Variants in PARD3B observed in about 807,000 individuals in gnomAD.
PARD3B encodes the protein par-3 family cell polarity regulator beta, also known as partitioning defective 3 homolog B.
Under a neutral mutation model 130.2 loss-of-function variants are expected in PARD3B, and 103 were observed. The ratio of observed to expected loss-of-function variants is 0.79; its 90% confidence interval spans 0.67 to 0.93. The LOEUF is 0.93. PARD3B is among the 40% of genes least tolerant of loss of function. PARD3B has a pLI of 0.00. For missense variants in PARD3B, 1,609 were observed against 1,499.2 expected, an observed-to-expected ratio of 1.07 and a Z score of -1.21; for synonymous variants, 583 against 553.2, an observed-to-expected ratio of 1.05 and a Z score of -0.76.
intron 2 of PARD3B, among the ~76,000 whole-genome samples, chr2:204,707,879 A>G (rs2038252293): frequency 6.6e-6 from 1 of 152,162 alleles, no homozygotes; most frequent in Non-Finnish European, 1.5e-5. Context: ...TACCTTGAAA[A>G]TATTCCCTAC....
intron 21 of PARD3B, among the ~76,000 whole-genome samples, chr2:205,510,266 A>G (rs1022950272): frequency 3.9e-5 from 6 of 152,356 alleles, no homozygotes; most frequent in African/African-American, 1.4e-4. Flanking sequence ...GTCAATAAAC[A>G]AGAATTTTTA....
In PARD3B at chr2:205,125,591, T is replaced by C. The variant is rs773247814; in HGVS notation, c.1306-18T>C. 6.2e-7 allele frequency: 1 copy of C among 1,612,964 alleles called. No homozygotes were observed. The highest frequency in any genetic ancestry group is 8.5e-7 in the Non-Finnish European group (1 of 1,179,412). Reference sequence around the variant, plus strand: ...CAAGTATTGTGATTGTGGCTGTTCATATGCTTTTATTCATTAGGTAAATGG... The same window carrying C: ...CAAGTATTGTGATTGTGGCTGTTCACATGCTTTTATTCATTAGGTAAATGG... On this transcript the variant is annotated intron_variant, in intron 9 of 22. Transcript: ENST00000406610. The surrounding 1 kb of genome is among the most constrained non-coding windows in gnomAD (Gnocchi z 4.0).
intron 16 of PARD3B, among the ~76,000 whole-genome samples, chr2:205,270,983 GA>G (rs986991224): frequency 7.2e-5 from 11 of 152,196 alleles, no homozygotes; most frequent in Admixed American, 6.5e-4. Context: ...GGCAAAAAAG[GA>G]AAAAGGTGTC....
At chr2:204,925,842 T>C (rs1369490359) in intron 2 of PARD3B, among the ~76,000 whole-genome samples, 1 of 152,100 alleles carries the variant, frequency 6.6e-6, no homozygotes, top group Non-Finnish European at 1.5e-5. Flanking sequence ...GGGGGCATTT[T>C]CCCCTGTGCT....
chr2:204,883,455 A>ATAT (rs1377428928), intron 2 of PARD3B, among the ~76,000 whole-genome samples: 2 of 77,272 alleles, frequency 2.6e-5, no homozygotes, highest in East Asian at 3.8e-4. Context: ...ATATATATAT[A>ATAT]TTTTTTTTTT....
intron 2 of PARD3B, among the ~76,000 whole-genome samples, chr2:204,944,414 G>A (rs781649393): frequency 2.0e-5 from 3 of 152,132 alleles, no homozygotes; most frequent in Non-Finnish European, 2.9e-5. Flanking sequence ...TTGGTAAATA[G>A]CAATCCATCA....
intron 15 of PARD3B, among the ~76,000 whole-genome samples, chr2:205,219,264 C>G (rs1442523812): frequency 6.6e-6 from 1 of 152,008 alleles, no homozygotes. Context: ...CAGAAAGGAG[C>G]GTGATTTAAG....
chr2:205,515,516 T>C (rs2050759797), intron 21 of PARD3B, among the ~76,000 whole-genome samples: 1 of 152,132 alleles, frequency 6.6e-6, no homozygotes, highest in African/African-American at 2.4e-5. Flanking sequence ...ATTACTTTTT[T>C]ATTTTTTAAT....
intron 18 of PARD3B, among the ~76,000 whole-genome samples, chr2:205,316,752 G>A (rs761969504): frequency 6.6e-6 from 1 of 152,000 alleles, no homozygotes; most frequent in Non-Finnish European, 1.5e-5. Flanking sequence ...TTCAATGAGT[G>A]AATTTTCAGT....
rs374341362 is a variant in PARD3B, at chr2:205,301,522, C to T, written c.2451C>T (p.Ala817=). The T allele has an allele frequency of 3.0e-5, 48 of 1,613,700 alleles. No individual in the cohort carries two copies. The highest frequency in any genetic ancestry group is 3.9e-5 in the Non-Finnish European group (46 of 1,180,010). Residue 817 remains alanine (A), a synonymous_variant, in exon 18 of 23, where the codon GCC becomes GCT. Coordinates refer to ENST00000406610, the MANE Select transcript of PARD3B (RefSeq NM_001302769.2). This position sits in a 1 kb window ranked among gnomAD's most constrained non-coding sequence, Gnocchi z 5.2. ...AAGGAGCTCTGAATTGTGAGTCTGCCCCTCAGGGGAATTCGGAGCTAGAGG... is the reference window on the plus strand; with the variant it reads ...AAGGAGCTCTGAATTGTGAGTCTGCTCCTCAGGGGAATTCGGAGCTAGAGG... ...SGQGALNCES[A]PQGNSELEDM...
intron 2 of PARD3B, among the ~76,000 whole-genome samples, chr2:204,751,463 G>T (rs1327085362): frequency 6.6e-6 from 1 of 152,180 alleles, no homozygotes; most frequent in Non-Finnish European, 1.5e-5. Flanking sequence ...ACTGCCTTTT[G>T]GGCAAAGAGG....
chr2:204,951,566 G>A (rs1689774769), intron 2 of PARD3B, among the ~76,000 whole-genome samples: 2 of 152,132 alleles, frequency 1.3e-5, no homozygotes, highest in South Asian at 2.1e-4. Flanking sequence ...TTTATAATTA[G>A]AACATTACTT....
intron 15 of PARD3B, among the ~76,000 whole-genome samples, chr2:205,233,166 G>GA (rs1176301887): frequency 2.0e-5 from 3 of 152,044 alleles, no homozygotes; most frequent in African/African-American, 7.2e-5. Context: ...AAAAAAAGAG[G>GA]AACAGCAGCA....
intron 2 of PARD3B, among the ~76,000 whole-genome samples, chr2:204,870,187 A>G (rs999998799): frequency 2.8e-4 from 42 of 152,276 alleles, no homozygotes; most frequent in Non-Finnish European, 5.9e-5. Flanking sequence ...GGTGGTAGAG[A>G]AAGTCCCCTT....
At chr2:205,003,935 G>A (rs1033623470) in intron 3 of PARD3B, among the ~76,000 whole-genome samples, 1 of 152,178 alleles carries the variant, frequency 6.6e-6, no homozygotes, top group Admixed American at 6.5e-5. Context: ...GAATTGGTTT[G>A]TTGTAGACAC....
At chr2:205,040,287 A>G (rs1698304030) in intron 3 of PARD3B, among the ~76,000 whole-genome samples, 1 of 152,148 alleles carries the variant, frequency 6.6e-6, no homozygotes, top group South Asian at 2.1e-4. Context: ...TTGGCTATCT[A>G]AATTAGAAAA....
intron 21 of PARD3B, among the ~76,000 whole-genome samples, chr2:205,509,968 C>G (rs1453444875): frequency 7.9e-5 from 12 of 152,230 alleles, no homozygotes; most frequent in Admixed American, 7.9e-4. Context: ...GATAGCTCTT[C>G]TAAACTACTC....
At chr2:204,564,687 A>T (rs763703434) in intron 1 of PARD3B, among the ~76,000 whole-genome samples, 20 of 152,078 alleles carry the variant, frequency 1.3e-4, no homozygotes, top group Non-Finnish European at 2.6e-4. Flanking sequence ...AAATCTCTTT[A>T]ATGTTTGGCT....
chr2:205,175,890 G>A (rs897629890), intron 12 of PARD3B, among the ~76,000 whole-genome samples: 3 of 119,664 alleles, frequency 2.5e-5, no homozygotes, highest in South Asian at 2.8e-4. Context: ...ATAGGAAGGG[G>A]AAATATAGGG....
Sources: allele counts gnomAD v4.1 joint callset (sites outside exome capture counted in the v4.1 genomes callset), GRCh38; gene constraint gnomAD v4.1.1; non-coding constraint Gnocchi (gnomAD v3.1); transcripts MANE v1.5; gene names NCBI Gene and HGNC (gene_info 2026-07-23, HGNC 2026-07-21).